The following THOC6 variants were observed in gnomAD, a reference collection of about 807,000 sequenced individuals.
THOC6 encodes THO complex subunit 6, also known as THO complex 6.
A neutral mutation model predicts 55.8 loss-of-function variants in THOC6; 39 were observed. The ratio of observed to expected loss-of-function variants is 0.70; its 90% CI spans 0.54 to 0.91. THOC6 has a LOEUF of 0.91. Ranked by LOEUF, THOC6 falls within the 40% of genes least tolerant of loss-of-function variation. THOC6 has a pLI of 0.00. For missense variants in THOC6, 482 were observed against 442.0 expected, an observed-to-expected ratio of 1.09 and a Z score of -0.81; for synonymous variants, 192 against 175.6, an observed-to-expected ratio of 1.09 and a Z score of -0.74.
chr16:3,024,076 C>A lies in THOC6; in HGVS notation c.-251C>A. On this transcript the variant is annotated 5_prime_UTR_variant, in exon 1 of 13. Transcript: ENST00000326266. ...GCGCGGGCGCGGAAGACGGGCGGCG[C>A]GTGGCGGAAGGCAGGCTTGCTCCTC... The A allele has an allele frequency of 2.5e-6, 2 of 788,688 alleles. No individual in the cohort carries two copies. Among genetic ancestry groups the A allele is most frequent in the Non-Finnish European group, 4.0e-6 (2 of 504,098 alleles). The allele number at this position is 788,688 out of a possible 1,614,324, so 48.9% of individuals were successfully genotyped here. A position where few individuals can be genotyped will look rare whatever the true frequency, so the allele number is the denominator to read the frequency against.
rs970224258 is a variant in THOC6, at chr16:3,027,498, A to C, written c.943A>C (p.Lys315Gln). 2.5e-6 allele frequency: 4 copies of C among 1,611,356 alleles called. No homozygotes were observed. The African/African-American group carries it at 5.3e-5, about 22-fold the overall frequency. ...LNQQPAAPEC[K>Q]VLTAAGNSCR... ...CCAGCAGCCTGCCGCGCCTGAGTGCAAGGTGGGTCCGGCAGGGGCCGCGGA... is the reference window on the plus strand; with the variant it reads ...CCAGCAGCCTGCCGCGCCTGAGTGCCAGGTGGGTCCGGCAGGGGCCGCGGA... Residue 315 changes from lysine to glutamine, a missense_variant and splice_region_variant, in exon 12 of 13, where the codon AAG (lysine) becomes CAG (glutamine). By Grantham distance (53) the Lys-to-Gln change is moderately conservative (BLOSUM62 1). Coordinates refer to ENST00000326266, the MANE Select transcript of THOC6 (RefSeq NM_024339.5).
chr16:3,027,340 C>T (rs748782113), intron 11 of THOC6, 26 bp from the exon 12 acceptor site: 2 of 1,613,768 alleles, frequency 1.2e-6, no homozygotes, highest in East Asian at 4.5e-5. Flanking sequence ...GTCCTGACCC[C>T]TGAGCACCTT....
rs567487001 is a variant in THOC6 at position 3,026,291 on chromosome 16, G to A, written c.362+3G>A. On this transcript the variant is annotated splice_donor_region_variant and intron_variant, in intron 5 of 12. Transcript: ENST00000326266. ...TGGCGTCGTCAGCCTCCATACAGGT[G>A]AGCAGGGCCACGTGGATAGAGGGTG... 1 of 1,614,156 alleles carries A rather than the reference G, an allele frequency of 6.2e-7. No homozygotes were observed. The highest frequency in any genetic ancestry group is 1.1e-5 in the South Asian group (1 of 91,084).
Position 3,025,760 on chromosome 16 carries a change from G to C in THOC6, c.92G>C (p.Ser31Thr), listed in dbSNP as rs1193017690. ...QRLHMTIFSQ[S>T]VSPCGKFLAA... The stretch of plus-strand genomic sequence containing the variant: ...CTCCATATGACCATCTTCTCCCAGA[G>C]CGTCTCACCATGTGGGAAGTTTCTG... The change falls in exon 2 of 13, where the codon AGC becomes ACC. Residue 31 changes from serine to threonine, a missense_variant. Transcript: ENST00000326266. 1 of 1,614,246 alleles carries C rather than the reference G, an allele frequency of 6.2e-7. No individual in the cohort carries two copies. Among genetic ancestry groups the C allele is most frequent in the Admixed American group, 1.7e-5 (1 of 60,028 alleles).
At chr16:3,024,490 GA>G in intron 1 of THOC6, 125 bp downstream of exon 1, 1 of 1,196,494 alleles carries the variant, frequency 8.4e-7, no homozygotes, top group Non-Finnish European at 1.2e-6. Context: ...CTCAGACTCT[GA>G]CCAGGGGGGC....
chr16:3,025,522 G>A (rs767427801), intron 1 of THOC6, among the ~76,000 whole-genome samples, 186 bp from the exon 2 acceptor site: 2 of 152,244 alleles, frequency 1.3e-5, no homozygotes, highest in African/African-American at 2.4e-5. Context: ...CCCTTCTTCA[G>A]TGTCTTCTTG....
At chr16:3,027,099 G>A (rs746816700) in intron 10 of THOC6, 26 bp downstream of exon 10, 2 of 1,614,186 alleles carry the variant, frequency 1.2e-6, no homozygotes, top group Non-Finnish European at 1.7e-6. Context: ...TGTGGGATGG[G>A]ATGGCAGCTC....
intron 12 of THOC6, 37 bp from the exon 13 acceptor site, chr16:3,027,540 G>A: frequency 3.7e-6 from 6 of 1,612,878 alleles, no homozygotes; most frequent in Non-Finnish European, 5.1e-6. Flanking sequence ...GGGAGGCAGG[G>A]GTGTGGGCAG....
chr16:3,027,412 G>T lies in THOC6; in HGVS notation c.857G>T (p.Ser286Ile). Residue 286 changes from serine to isoleucine, a missense_variant, in exon 12 of 13, where the codon AGC becomes ATC. Coordinates refer to ENST00000326266, the MANE Select transcript of THOC6 (RefSeq NM_024339.5). The part of the protein sequence containing the change: ...QGRCVNQWQL[S>I]GELKAQVPGS... Reference sequence around the variant, plus strand: ...CGCTGCGTCAACCAGTGGCAGCTGAGCGGGGAGCTGAAGGCCCAGGTGCCT... The same window carrying T: ...CGCTGCGTCAACCAGTGGCAGCTGATCGGGGAGCTGAAGGCCCAGGTGCCT... The T allele has an allele frequency of 1.2e-6, 2 of 1,612,484 alleles. No homozygotes were observed. Among genetic ancestry groups the T allele is most frequent in the Non-Finnish European group, 1.7e-6 (2 of 1,179,620 alleles).
rs567487001 is a variant in THOC6 at position 3,026,291 on chromosome 16, G to T, written c.362+3G>T. The T allele has an allele frequency of 5.6e-6, 9 of 1,614,156 alleles. No homozygotes were observed. The African/African-American group carries it at 1.2e-4, about 22-fold the overall frequency. ...TGGCGTCGTCAGCCTCCATACAGGT[G>T]AGCAGGGCCACGTGGATAGAGGGTG... On this transcript the variant is annotated splice_donor_region_variant and intron_variant, in intron 5 of 12. Coordinates refer to ENST00000326266, the MANE Select transcript of THOC6 (RefSeq NM_024339.5).
Position 3,024,269 on chromosome 16 carries a change from G to C in THOC6, c.-58G>C. ...CACGGAGAGGAACCGCTCTAGGCAC[G>C]TAAGGCCTCGTGAGGTTGCGTCGCG... On this transcript the variant is annotated 5_prime_UTR_variant, in exon 1 of 13. Coordinates refer to ENST00000326266, the MANE Select transcript of THOC6 (RefSeq NM_024339.5). 1.2e-6 allele frequency: 2 copies of C among 1,610,602 alleles called. No individual in the cohort carries two copies. The highest frequency in any genetic ancestry group is 1.3e-5 in the African/African-American group (1 of 75,004).
At position 3,027,727 on chromosome 16, in the gene THOC6, A is replaced by C. The variant is rs1207757302; in HGVS notation, c.*70A>C. The C allele has an allele frequency of 1.6e-6, 2 of 1,241,518 alleles. No individual in the cohort carries two copies. Among genetic ancestry groups the C allele is most frequent in the Non-Finnish European group, 2.2e-6 (2 of 897,248 alleles). 76.9% of individuals were successfully genotyped at this position (1,241,518 alleles called of 1,614,324 possible). On this transcript the variant is annotated 3_prime_UTR_variant, in exon 13 of 13. Transcript: ENST00000326266. ...TCATTTTCTTTTTTTTTTTTTTTTT[A>C]CAATAAAGTTTCAGGCTTTTTTACC...
rs374518437 is a variant in THOC6 at position 3,024,360 on chromosome 16, G to A, written c.34G>A (p.Gly12Ser). 5.3e-5 allele frequency: 85 copies of A among 1,614,054 alleles called. No homozygotes were observed. The highest frequency in any genetic ancestry group is 7.1e-5 in the Non-Finnish European group (84 of 1,180,024). The change falls in exon 1 of 13, where the codon GGT (glycine) becomes AGT (serine). Residue 12 changes from glycine (G) to serine (S), a missense_variant. Gly to Ser is a moderately conservative substitution (Grantham distance 56). Transcript: ENST00000326266. ...AGCTGTGCCGCTCGCGGTGCCTCTG[G>A]GTCAGGTGAGACGGACGTGGTGCGC... ...ERAVPLAVPL[G>S]QTEVFQALQR...
chr16:3,025,827 C>T lies in THOC6; in HGVS notation c.155+4C>T. The T allele has an allele frequency of 6.2e-7, 1 of 1,614,186 alleles. No homozygotes were observed. On this transcript the variant is annotated splice_donor_region_variant and intron_variant, in intron 2 of 12. Transcript: ENST00000326266. ...ACGGGCAGATTGCCATCTTCAGGTA[C>T]CCTCTGCCGCTGTCCACCCATTAGC...
In THOC6 at chr16:3,024,137, G is replaced by A. The variant is rs1194172240; in HGVS notation, c.-190G>A. On this transcript the variant is annotated 5_prime_UTR_variant, in exon 1 of 13. Coordinates refer to ENST00000326266, the MANE Select transcript of THOC6 (RefSeq NM_024339.5). ...AGGGTATCCGGCTTAAGGGGGCTGCGGTGGACACCACTTCTTAATGTCGGG... is the reference window on the plus strand; with the variant it reads ...AGGGTATCCGGCTTAAGGGGGCTGCAGTGGACACCACTTCTTAATGTCGGG... 1.2e-5 allele frequency: 9 copies of A among 727,372 alleles called. No homozygotes were observed. Among genetic ancestry groups the A allele is most frequent in the East Asian group, 2.7e-5 (1 of 37,078 alleles). The allele number at this position is 727,372 out of a possible 1,614,324, so 45.1% of individuals were successfully genotyped here.
At chr16:3,026,628 G>A in intron 7 of THOC6, 41 bp downstream of exon 7, 3 of 1,612,376 alleles carry the variant, frequency 1.9e-6, no homozygotes, top group Non-Finnish European at 2.5e-6. Context: ...TCTAGGTCAG[G>A]GAGAGGCACT....
intron 1 of THOC6, 118 bp downstream of exon 1, chr16:3,024,483 A>C: frequency 7.7e-7 from 1 of 1,297,522 alleles, no homozygotes; most frequent in Non-Finnish European, 1.1e-6. Flanking sequence ...TGTGGGACTC[A>C]GACTCTGACC....
chr16:3,027,348 C>A lies in THOC6; in HGVS notation c.811-18C>A. On this transcript the variant is annotated intron_variant, in intron 11 of 12. Coordinates refer to ENST00000326266, the MANE Select transcript of THOC6 (RefSeq NM_024339.5). ...CCCTTCAGTCCTGACCCCTGAGCAC[C>A]TTCCCTGTCCTCTGCAGATTCTGTC... The A allele has an allele frequency of 6.2e-7, 1 of 1,613,050 alleles. No individual in the cohort carries two copies. Among genetic ancestry groups the A allele is most frequent in the Non-Finnish European group, 8.5e-7 (1 of 1,179,220 alleles).
In THOC6 at chr16:3,026,587, G is replaced by A. The variant is rs771528740; in HGVS notation, c.483G>A (p.Thr161=). ...HTMDLETGTF[T]RVLRGHTDYI... ...TGGACCTTGAAACTGGGACTTTCAC[G>A]GTGAGCAGGGTCCTGGAGCCCTAGA... The change falls in exon 7 of 13, where the codon ACG becomes ACA. Residue 161 remains threonine (T), a splice_region_variant and synonymous_variant. Transcript: ENST00000326266. 8.1e-6 allele frequency: 13 copies of A among 1,613,858 alleles called. No homozygotes were observed. Among genetic ancestry groups the A allele is most frequent in the South Asian group, 5.5e-5 (5 of 91,042 alleles).
Sources: allele counts gnomAD v4.1 joint callset (sites outside exome capture counted in the v4.1 genomes callset), GRCh38; gene constraint gnomAD v4.1.1; transcripts MANE v1.5; gene names NCBI Gene and HGNC (gene_info 2026-07-23, HGNC 2026-07-21).